YES1: variants seen among roughly 807,000 people sequenced by gnomAD.
YES1 encodes the protein YES proto-oncogene 1, Src family tyrosine kinase, also known as tyrosine-protein kinase Yes.
In YES1, 39 loss-of-function variants were observed where a neutral mutation model predicts 70.4. The ratio of observed to expected loss-of-function variants is 0.55; its 90% CI spans 0.43 to 0.72. YES1 has a LOEUF of 0.72. YES1 is among the 30% of genes least tolerant of loss of function. The probability of loss-of-function intolerance (pLI) is 0.00; values close to 1 mark genes in which losing one functional copy is unlikely to be tolerated. For missense variants in YES1, 495 were observed against 644.8 expected, an observed-to-expected ratio of 0.77 and a Z score of 2.52; for synonymous variants, 198 against 218.6, an observed-to-expected ratio of 0.91 and a Z score of 0.83.
At chr18:759,140 T>A (rs961654865) in intron 1 of YES1, among the ~76,000 whole-genome samples, 5 of 152,218 alleles carry the variant, frequency 3.3e-5, no homozygotes, top group Non-Finnish European at 7.3e-5. Context: ...TAAATTGGTA[T>A]ATTCTAAAGA....
At chr18:806,408 G>A (rs2145842943) in intron 1 of YES1, among the ~76,000 whole-genome samples, 1 of 152,256 alleles carries the variant, frequency 6.6e-6, no homozygotes, top group South Asian at 2.1e-4. Context: ...AAAACCTTGA[G>A]AGCAAAAATC....
chr18:790,576 T>C (rs566802564), intron 1 of YES1, among the ~76,000 whole-genome samples: 1 of 150,394 alleles, frequency 6.6e-6, no homozygotes, highest in East Asian at 2.0e-4. Context: ...AAAGGGAGAG[T>C]ACACAGTATT....
rs193029850 is a variant in YES1, at chr18:734,431, C to T, written c.1292-1466G>A. On this transcript the variant is annotated intron_variant, in intron 10 of 11. Transcript: ENST00000314574. ...AAAATTAGCCGAGCTTGGTGGCAGG[C>T]ACCTGTAGTCCCAGCTACTCGGGAG... Among the ~76,000 whole-genome samples the T allele has an allele frequency of 2.7e-4, 41 of 149,512 alleles. No individual in the cohort carries two copies. In the East Asian group the frequency reaches 8.0e-3, roughly 29 times the overall value.
intron 1 of YES1, among the ~76,000 whole-genome samples, chr18:768,672 C>A (rs1048289737): frequency 9.2e-5 from 14 of 151,942 alleles, no homozygotes; most frequent in African/African-American, 3.1e-4. Flanking sequence ...TTTTACCATA[C>A]CTTTTCTATG....
intron 10 of YES1, among the ~76,000 whole-genome samples, chr18:733,843 C>A (rs1598889414): frequency 7.0e-6 from 1 of 143,144 alleles, no homozygotes; most frequent in Non-Finnish European, 1.5e-5. Flanking sequence ...AAACTTATTG[C>A]AGAAATAATA....
At chr18:730,098 T>C (rs1465814165) in intron 11 of YES1, among the ~76,000 whole-genome samples, 1 of 152,216 alleles carries the variant, frequency 6.6e-6, no homozygotes, top group African/African-American at 2.4e-5. Flanking sequence ...GATCACCTAG[T>C]TGTTAGGGCT....
intron 11 of YES1, among the ~76,000 whole-genome samples, chr18:730,620 T>C (rs750979165): frequency 1.3e-5 from 2 of 152,208 alleles, no homozygotes; most frequent in African/African-American, 2.4e-5. Context: ...ATAAGACTTA[T>C]GCTTTCTGTC....
chr18:801,133 G>A (rs111232601), intron 1 of YES1, among the ~76,000 whole-genome samples: 5 of 152,114 alleles, frequency 3.3e-5, no homozygotes, highest in African/African-American at 7.2e-5. Flanking sequence ...GCAACAGAGC[G>A]AGACTCCATC....
intron 2 of YES1, among the ~76,000 whole-genome samples, chr18:755,968 C>T (rs1941600467): frequency 6.6e-6 from 1 of 152,138 alleles, no homozygotes; most frequent in African/African-American, 2.4e-5. Context: ...TCACTTCTTG[C>T]TATTCTCTAA....
chr18:798,808 T>C (rs1344345682), intron 1 of YES1, among the ~76,000 whole-genome samples: 3 of 152,168 alleles, frequency 2.0e-5, no homozygotes, highest in African/African-American at 7.2e-5. Flanking sequence ...TTACTGGTTT[T>C]CCAATGTTTC....
chr18:732,435 T>TTA (rs1568184729), intron 11 of YES1, among the ~76,000 whole-genome samples: 2 of 90,502 alleles, frequency 2.2e-5, no homozygotes, highest in East Asian at 7.2e-4. Flanking sequence ...AGACTGTGTT[T>TTA]AAAAAAAAAA....
chr18:798,859 T>G (rs1034084852), intron 1 of YES1, among the ~76,000 whole-genome samples: 1 of 152,226 alleles, frequency 6.6e-6, no homozygotes, highest in Non-Finnish European at 1.5e-5. Context: ...AGAACTGTCT[T>G]TCCTGCTACT....
intron 6 of YES1, among the ~76,000 whole-genome samples, chr18:744,553 CTAAATTTTTTTATATTT>C (rs1357529163): frequency 1.3e-5 from 2 of 151,728 alleles, no homozygotes; most frequent in Non-Finnish European, 2.9e-5. Context: ...CCACGCCTGG[CTAAATTTTTTTATATTT>C]TAATAGATAG....
chr18:787,968 T>C (rs1906050533), intron 1 of YES1: 1 of 152,174 alleles, frequency 6.6e-6, no homozygotes, highest in South Asian at 2.1e-4. Flanking sequence ...CCTCGAAATG[T>C]CCAGGTAAGG....
chr18:756,985 T>A, intron 1 of YES1, 150 bp from the exon 2 acceptor site: 1 of 757,204 alleles, frequency 1.3e-6, no homozygotes, highest in Non-Finnish European at 2.1e-6. Flanking sequence ...GAAAACGAGG[T>A]CTCTTCCCCT....
intron 1 of YES1, among the ~76,000 whole-genome samples, chr18:765,438 G>T (rs182034342): frequency 0.016 from 2,133 of 134,878 alleles, 60 homozygotes; most frequent in African/African-American, 0.057. Flanking sequence ...TCGCTCTGTC[G>T]CCCAGGCTGG....
At chr18:786,792 A>G (rs796627826) in intron 1 of YES1, among the ~76,000 whole-genome samples, 11 of 152,222 alleles carry the variant, frequency 7.2e-5, no homozygotes, top group African/African-American at 2.6e-4. Flanking sequence ...CATAAAGTCA[A>G]ATATACCTGC....
chr18:804,869 A>C (rs1241145028), intron 1 of YES1, among the ~76,000 whole-genome samples: 1 of 130,390 alleles, frequency 7.7e-6, no homozygotes, highest in African/African-American at 2.9e-5. Flanking sequence ...AGCTGAGATC[A>C]AGCCACTGCA....
chr18:795,718 A>C (rs1384569363), intron 1 of YES1, among the ~76,000 whole-genome samples: 1 of 147,056 alleles, frequency 6.8e-6, no homozygotes, highest in Non-Finnish European at 1.5e-5. Context: ...GAACACATGG[A>C]CACAGGGAGG....
Sources: allele counts gnomAD v4.1 joint callset (sites outside exome capture counted in the v4.1 genomes callset), GRCh38; gene constraint gnomAD v4.1.1; transcripts MANE v1.5; gene names NCBI Gene and HGNC (gene_info 2026-07-23, HGNC 2026-07-21).